The following GLIPR2 variants were observed in gnomAD, a reference collection of about 807,000 sequenced individuals.
GLIPR2 encodes the protein Golgi-associated plant pathogenesis-related protein 1.
A neutral mutation model predicts 20.4 loss-of-function variants in GLIPR2; 21 were observed. That is an observed-to-expected ratio of 1.03 (90% CI 0.73 to 1.48). The LOEUF is 1.48. GLIPR2 is among the 40% of genes most tolerant of loss of function. GLIPR2 has a pLI of 0.00. For missense variants in GLIPR2, 205 were observed against 200.1 expected (o/e 1.02, Z -0.15); for synonymous variants, 91 against 80.5 (o/e 1.13, Z -0.70).
At chr9:36,145,907 C>A (rs1439019853) in intron 1 of GLIPR2, among the ~76,000 whole-genome samples, 1 of 152,160 alleles carries the variant, frequency 6.6e-6, no homozygotes, top group East Asian at 1.9e-4. Context: ...TCCCTAACCA[C>A]AGCCTCCTTG....
chr9:36,142,840 G>A (rs888118032), intron 1 of GLIPR2, among the ~76,000 whole-genome samples: 2 of 152,132 alleles, frequency 1.3e-5, no homozygotes, highest in African/African-American at 4.8e-5. Context: ...ACCTGGGCTA[G>A]GACTGGCTGC....
intron 4 of GLIPR2, among the ~76,000 whole-genome samples, chr9:36,153,102 A>G (rs991304634): frequency 1.3e-5 from 2 of 150,162 alleles, no homozygotes; most frequent in Non-Finnish European, 3.0e-5. Context: ...AGCCTGGGCA[A>G]CAAGGGCGAG....
In GLIPR2 at chr9:36,136,903, G is replaced by A. The variant is rs1267654868; in HGVS notation, c.13+112G>A. 1.0e-5 allele frequency: 12 copies of A among 1,189,838 alleles called. No individual in the cohort carries two copies. The highest frequency in any genetic ancestry group is 1.6e-5 in the African/African-American group (1 of 63,436). The allele number at this position is 1,189,838 out of a possible 1,614,324, so 73.7% of individuals were successfully genotyped here. ...GTCCTGGGGAGTGCGGGAGCCCGGG[G>A]TGCGGGTGGAGGGCGCGCGGGCGGA... On this transcript the variant is annotated intron_variant, in intron 1 of 4. Transcript: ENST00000377960. The surrounding 1 kb of genome is among the most constrained non-coding windows in gnomAD (Gnocchi z 4.3).
Position 36,162,492 on chromosome 9 carries a change from C to T in GLIPR2, c.435C>T (p.Phe145=), listed in dbSNP as rs759555497. The T allele has an allele frequency of 1.5e-5, 25 of 1,614,002 alleles. No homozygotes were observed. Among genetic ancestry groups the T allele is most frequent in the South Asian group, 1.1e-5 (1 of 91,076 alleles). ...GGAATGTTGTCAATGAGGGCTTCTT[C>T]GAAGAAAACGTCCTGCCGCCGAAGA... ...PAGNVVNEGF[F]EENVLPPKK The change falls in exon 5 of 5, where the codon TTC becomes TTT. Residue 145 remains phenylalanine (F), a synonymous_variant. Coordinates refer to ENST00000377960, the MANE Select transcript of GLIPR2 (RefSeq NM_022343.4).
chr9:36,161,941 C>A (rs1191141088), intron 4 of GLIPR2, among the ~76,000 whole-genome samples: 1 of 152,144 alleles, frequency 6.6e-6, no homozygotes, highest in South Asian at 2.1e-4. Flanking sequence ...AATCCCAGCA[C>A]TGGGAGACTG....
At chr9:36,146,889 G>A (rs1335176662) in intron 1 of GLIPR2, among the ~76,000 whole-genome samples, 1 of 152,154 alleles carries the variant, frequency 6.6e-6, no homozygotes. Flanking sequence ...TTACATGCCG[G>A]TAGCTCCACA....
In GLIPR2 at chr9:36,148,594, A is replaced by G; in HGVS notation, c.170A>G (p.Glu57Gly). ...ACGAGGATCCTCAAGCACAGCCCGG[A>G]GTCCAGCCGTGGCCAGTGTGGGGAG... is the stretch of plus-strand genomic sequence containing the variant. ...ASTRILKHSP[E>G]SSRGQCGENL... Residue 57 changes from glutamate to glycine, a missense_variant, in exon 3 of 5, where the codon GAG becomes GGG. By Grantham distance (98) the Glu-to-Gly change is moderately conservative. Transcript: ENST00000377960. 6.2e-7 allele frequency: 1 copy of G among 1,614,146 alleles called. No individual in the cohort carries two copies. Among genetic ancestry groups the G allele is most frequent in the Non-Finnish European group, 8.5e-7 (1 of 1,179,960 alleles).
chr9:36,138,157 T>G (rs1309418976), intron 1 of GLIPR2, among the ~76,000 whole-genome samples: 1 of 152,156 alleles, frequency 6.6e-6, no homozygotes, highest in African/African-American at 2.4e-5. Context: ...AGATATCTGC[T>G]TGGGAAATCA....
At position 36,136,836 on chromosome 9, in the gene GLIPR2, C is replaced by A. The variant is rs952131707; in HGVS notation, c.13+45C>A. On this transcript the variant is annotated intron_variant, in intron 1 of 4. Coordinates refer to ENST00000377960, the MANE Select transcript of GLIPR2 (RefSeq NM_022343.4). This position sits in a 1 kb window ranked among gnomAD's most constrained non-coding sequence, Gnocchi z 4.3. Reference sequence around the variant, plus strand: ...CGCTGCGGAATGGTTCGGAACCCCGCGCTCCCGGACCTCGCCGTCTCCCTC... The same window carrying A: ...CGCTGCGGAATGGTTCGGAACCCCGAGCTCCCGGACCTCGCCGTCTCCCTC... 7.1e-6 allele frequency: 9 copies of A among 1,269,012 alleles called. No individual in the cohort carries two copies. The highest frequency in any genetic ancestry group is 8.9e-6 in the Non-Finnish European group (9 of 1,006,840). The allele number at this position is 1,269,012 out of a possible 1,614,324, so 78.6% of individuals were successfully genotyped here.
At chr9:36,156,772 G>A (rs1825853260) in intron 4 of GLIPR2, among the ~76,000 whole-genome samples, 1 of 152,198 alleles carries the variant, frequency 6.6e-6, no homozygotes, top group Non-Finnish European at 1.5e-5. Flanking sequence ...GATCTAGGTT[G>A]CATGCTCCTT....
chr9:36,147,653 A>G, intron 1 of GLIPR2, 133 bp from the exon 2 acceptor site: 1 of 672,532 alleles, frequency 1.5e-6, no homozygotes, highest in Non-Finnish European at 2.8e-6. Context: ...CTGGGGTGCC[A>G]GGTGTTGGAG....
intron 4 of GLIPR2, among the ~76,000 whole-genome samples, chr9:36,152,750 C>CAAAAAAA (rs1217889590): frequency 2.4e-5 from 1 of 41,632 alleles, no homozygotes; most frequent in Non-Finnish European, 4.0e-5. Flanking sequence ...AACTCTGTCT[C>CAAAAAAA]AAAAAAAAAA....
In GLIPR2 at chr9:36,157,717, T is replaced by C. The variant is rs140036512; in HGVS notation, c.305-4645T>C. Among the ~76,000 whole-genome samples, 169 of 96,872 alleles carry C rather than the reference T, an allele frequency of 1.7e-3. 1 individual carries two copies. Among genetic ancestry groups the C allele is most frequent in the Admixed American group, 0.011 (116 of 10,256 alleles). 63.6% of individuals were successfully genotyped at this position (96,872 alleles called of 152,430 possible). On this transcript the variant is annotated intron_variant, in intron 4 of 4. Coordinates refer to ENST00000377960, the MANE Select transcript of GLIPR2 (RefSeq NM_022343.4). The stretch of plus-strand genomic sequence containing the variant: ...ACACACACACACACACACACACATA[T>C]ATATATACACATATATACATATATA...
intron 4 of GLIPR2, among the ~76,000 whole-genome samples, chr9:36,161,825 G>C: frequency 6.6e-6 from 1 of 152,138 alleles, no homozygotes; most frequent in Non-Finnish European, 1.5e-5. Context: ...CGTGATCTCT[G>C]GGAGACTGTT....
At chr9:36,153,292 A>C (rs947769755) in intron 4 of GLIPR2, among the ~76,000 whole-genome samples, 4 of 152,190 alleles carry the variant, frequency 2.6e-5, no homozygotes, top group African/African-American at 9.6e-5. Flanking sequence ...GTCAGAGCCC[A>C]ACTTTCCATG....
At chr9:36,141,610 A>C (rs1825085418) in intron 1 of GLIPR2, among the ~76,000 whole-genome samples, 1 of 152,150 alleles carries the variant, frequency 6.6e-6, no homozygotes, top group African/African-American at 2.4e-5. Flanking sequence ...GTCTCAGCCA[A>C]AAGTTTAAAT....
chr9:36,136,719 T>C, upstream of GLIPR2: 1 of 1,165,702 alleles, frequency 8.6e-7, no homozygotes, highest in Non-Finnish European at 1.1e-6. The surrounding 1 kb of genome is among the most constrained non-coding windows in gnomAD (Gnocchi z 4.3). Flanking sequence ...GGGGCGGCGC[T>C]GGGCCGGGCG....
chr9:36,155,794 C>T (rs1303926804), intron 4 of GLIPR2, among the ~76,000 whole-genome samples: 1 of 152,046 alleles, frequency 6.6e-6, no homozygotes, highest in Non-Finnish European at 1.5e-5. Context: ...GTAAAATAGG[C>T]TGGGTGTGGT....
chr9:36,148,923 C>G (rs1047705512), intron 3 of GLIPR2, among the ~76,000 whole-genome samples: 1 of 152,136 alleles, frequency 6.6e-6, no homozygotes, highest in Non-Finnish European at 1.5e-5. Flanking sequence ...GCTCCCAGGC[C>G]GAGGAGTGGG....
Sources: allele counts gnomAD v4.1 joint callset (sites outside exome capture counted in the v4.1 genomes callset), GRCh38; gene constraint gnomAD v4.1.1; non-coding constraint Gnocchi (gnomAD v3.1); transcripts MANE v1.5; gene names NCBI Gene and HGNC (gene_info 2026-07-23, HGNC 2026-07-21).